C20orf203: variants seen among roughly 807,000 people sequenced by gnomAD.
C20orf203 encodes chromosome 20 open reading frame 203, also known as uncharacterized protein C20orf203.
A neutral mutation model predicts 15.9 loss-of-function variants in C20orf203; 16 were observed. That is an observed-to-expected ratio of 1.01 (90% CI 0.68 to 1.53). C20orf203 has a LOEUF of 1.53. Among genes scored for constraint, C20orf203 ranks in the 40% most tolerant of loss-of-function variants. C20orf203 has a pLI of 0.00. For synonymous variants in C20orf203, 98 were observed against 97.2 expected (o/e 1.01, Z -0.05); for missense variants, 263 against 247.5 (o/e 1.06, Z -0.42).
intron 4 of C20orf203, among the ~76,000 whole-genome samples, chr20:32,647,116 C>T (rs559900854): frequency 2.7e-4 from 41 of 152,174 alleles, no homozygotes; most frequent in Admixed American, 2.3e-3. Flanking sequence ...GAACTAGGGC[C>T]GGGCGCAGTG....
chr20:32,650,417 G>A lies in C20orf203; in HGVS notation c.*15C>T. On this transcript the variant is annotated 3_prime_UTR_variant, in exon 4 of 6. Transcript: ENST00000608990. ...CAGGCAGGCAGAGCTGGGGGTGGGG[G>A]CGCCCTGGGCTCGGCTAATTAAACA... 1.3e-6 allele frequency: 2 copies of A among 1,536,976 alleles called. No individual in the cohort carries two copies. Among genetic ancestry groups the A allele is most frequent in the Non-Finnish European group, 1.8e-6 (2 of 1,136,980 alleles).
At chr20:32,652,866 T>C (rs1178516398) in intron 1 of C20orf203, among the ~76,000 whole-genome samples, 1 of 152,136 alleles carries the variant, frequency 6.6e-6, no homozygotes, top group African/African-American at 2.4e-5. Flanking sequence ...TTGCAAAGCC[T>C]GAGCCTCAGG....
At chr20:32,664,109 G>A (rs1356526636) in intron 1 of C20orf203, among the ~76,000 whole-genome samples, 1 of 152,206 alleles carries the variant, frequency 6.6e-6, no homozygotes, top group Non-Finnish European at 1.5e-5. Flanking sequence ...TCCCCATGTG[G>A]GAGTGGAGCA....
intron 5 of C20orf203, among the ~76,000 whole-genome samples, chr20:32,639,528 C>G (rs1336190667): frequency 6.6e-6 from 1 of 151,716 alleles, no homozygotes; most frequent in Non-Finnish European, 1.5e-5. Flanking sequence ...GTAGTCCCAG[C>G]TACTCAAGAG....
In C20orf203 at chr20:32,648,428, C is replaced by CTTT. The variant is rs56838832; in HGVS notation, c.*1177+824_*1177+826dup. 7.3e-4 allele frequency among the ~76,000 whole-genome samples: 59 copies of CTTT among 80,392 alleles called. 8 individuals are homozygous for CTTT. The highest frequency in any genetic ancestry group is 1.6e-3 in the African/African-American group (32 of 20,214). 52.7% of individuals were successfully genotyped at this position (80,392 alleles called of 152,430 possible). On this transcript the variant is annotated intron_variant, in intron 4 of 5. Transcript: ENST00000608990. ...GGCACTAACCATTGCCTGAAACTGT[C>CTTT]TTTTTTTTTTTTTTTTTTTTTTTTT...
At chr20:32,652,797 C>T (rs1408474926) in intron 1 of C20orf203, among the ~76,000 whole-genome samples, 2 of 152,140 alleles carry the variant, frequency 1.3e-5, no homozygotes, top group Non-Finnish European at 2.9e-5. Context: ...GTGAGAGGCC[C>T]TCTCAGAGAT....
Position 32,633,645 on chromosome 20 carries a change from G to A in C20orf203, c.*1925C>T, listed in dbSNP as rs1297486241. ...GGAAAAACTGAGGCACAAAGAAGCT[G>A]TCCCTGGCACAGGGTCACAATTTGA... is the stretch of plus-strand genomic sequence containing the variant. On this transcript the variant is annotated 3_prime_UTR_variant, in exon 6 of 6. Transcript: ENST00000608990. 4.8e-6 allele frequency: 1 copy of A among 207,136 alleles called. No individual in the cohort carries two copies. The highest frequency in any genetic ancestry group is 9.6e-6 in the Non-Finnish European group (1 of 104,618). The allele number at this position is 207,136 out of a possible 1,614,324, so 12.8% of individuals were successfully genotyped here.
In C20orf203 at chr20:32,633,563, A is replaced by T. The variant is rs568968971; in HGVS notation, c.*2007T>A. 6.5e-6 allele frequency: 1 copy of T among 153,272 alleles called. No homozygotes were observed. Among genetic ancestry groups the T allele is most frequent in the South Asian group, 2.1e-4 (1 of 4,816 alleles). 9.5% of individuals were successfully genotyped at this position (153,272 alleles called of 1,614,324 possible). A position where few individuals can be genotyped will look rare whatever the true frequency, so the allele number is the denominator to read the frequency against. ...CTGGGCCCACAGCAGACATACAACAAATGTTTGTTGAGGGGAAAAAAAGGC... is the reference window on the plus strand; with the variant it reads ...CTGGGCCCACAGCAGACATACAACATATGTTTGTTGAGGGGAAAAAAAGGC... On this transcript the variant is annotated 3_prime_UTR_variant, in exon 6 of 6. Coordinates refer to ENST00000608990, the MANE Select transcript of C20orf203 (RefSeq NM_182584.4).
At chr20:32,670,506 CA>C (rs1033573074) in intron 1 of C20orf203, among the ~76,000 whole-genome samples, 2 of 149,984 alleles carry the variant, frequency 1.3e-5, no homozygotes, top group Admixed American at 1.3e-4. Context: ...GACTCCGTCT[CA>C]AAAAAAATAA....
chr20:32,637,370 G>T (rs939531543), intron 5 of C20orf203, among the ~76,000 whole-genome samples: 2 of 152,130 alleles, frequency 1.3e-5, no homozygotes. Flanking sequence ...CCAAGATCAC[G>T]CCACTGCTGC....
intron 1 of C20orf203, among the ~76,000 whole-genome samples, chr20:32,662,420 G>A: frequency 6.6e-6 from 1 of 152,128 alleles, no homozygotes; most frequent in Non-Finnish European, 1.5e-5. Flanking sequence ...TGGCCAACAT[G>A]GTGAAATCCT....
intron 5 of C20orf203, among the ~76,000 whole-genome samples, chr20:32,640,351 T>G (rs908029205): frequency 6.6e-6 from 1 of 152,196 alleles, no homozygotes; most frequent in African/African-American, 2.4e-5. Context: ...ATTCAATGGT[T>G]GCTAGCATAC....
intron 4 of C20orf203, among the ~76,000 whole-genome samples, chr20:32,646,791 G>A (rs1316352229): frequency 6.6e-6 from 1 of 152,198 alleles, no homozygotes; most frequent in East Asian, 1.9e-4. Context: ...GCACAGAGCT[G>A]CTCCCCTGGC....
At chr20:32,656,861 CT>C (rs1417356837) in intron 1 of C20orf203, 2 of 43,040 alleles carry the variant, frequency 4.6e-5, no homozygotes, top group East Asian at 8.7e-4. Context: ...ACGACTCCAT[CT>C]CAAAAAAAAA....
At chr20:32,657,820 CATG>C (rs1213538407) in intron 1 of C20orf203, 1 of 151,586 alleles carries the variant, frequency 6.6e-6, no homozygotes, top group Non-Finnish European at 1.5e-5. Context: ...ATTAGCCAGA[CATG>C]GTGGTGGGCA....
intron 1 of C20orf203, among the ~76,000 whole-genome samples, chr20:32,655,344 G>A (rs1982728923): frequency 1.3e-5 from 2 of 152,202 alleles, no homozygotes; most frequent in South Asian, 4.1e-4. Flanking sequence ...GGCTGTGGCA[G>A]GAGGATCGCT....
At chr20:32,643,750 A>G (rs1982350542) in intron 4 of C20orf203, among the ~76,000 whole-genome samples, 1 of 152,118 alleles carries the variant, frequency 6.6e-6, no homozygotes, top group African/African-American at 2.4e-5. Flanking sequence ...TTGACGATGA[A>G]CACCCTTTTC....
At chr20:32,637,975 C>T (rs983708380) in intron 5 of C20orf203, among the ~76,000 whole-genome samples, 4 of 149,082 alleles carry the variant, frequency 2.7e-5, no homozygotes, top group East Asian at 1.9e-4. Context: ...TGTGTCTGTG[C>T]GTGTGTGTGC....
At chr20:32,659,313 G>A (rs1286693822) in intron 1 of C20orf203, among the ~76,000 whole-genome samples, 1 of 152,204 alleles carries the variant, frequency 6.6e-6, no homozygotes, top group Admixed American at 6.5e-5. Flanking sequence ...ATTCACCAAG[G>A]AGGAGAAGCC....
Sources: allele counts gnomAD v4.1 joint callset (sites outside exome capture counted in the v4.1 genomes callset), GRCh38; gene constraint gnomAD v4.1.1; transcripts MANE v1.5; gene names NCBI Gene and HGNC (gene_info 2026-07-23, HGNC 2026-07-21).